The following GLRA2 variants were observed in gnomAD, a reference collection of about 807,000 sequenced individuals.
GLRA2 encodes the protein glycine receptor subunit alpha-2.
Under a neutral mutation model 31.6 loss-of-function variants are expected in GLRA2, and 11 were observed. The observed-to-expected ratio is 0.35, with a 90% CI of 0.22 to 0.58. GLRA2 has a LOEUF of 0.58. GLRA2 is among the 20% of genes least tolerant of loss of function. The pLI, the probability that GLRA2 is intolerant of heterozygous loss-of-function variation, is 0.84. For synonymous variants in GLRA2, 132 were observed against 134.0 expected (o/e 0.99, Z 0.10); for missense variants, 212 against 351.8 (o/e 0.60, Z 3.18).
At chrX:14,518,796 G>T in the GLRA2 span, among the ~76,000 whole-genome samples, 1 of 106,876 alleles carries the variant, frequency 9.4e-6, no homozygotes, top group Admixed American at 1.0e-4. Context: ...CGATCACGAG[G>T]TCAGGAGATC....
chrX:14,659,383 C>T (rs867737923), intron 7 of GLRA2, among the ~76,000 whole-genome samples: 59 of 112,150 alleles, frequency 5.3e-4, no homozygotes, highest in African/African-American at 1.8e-3. Flanking sequence ...ATGACATTTA[C>T]CATACTATAT....
the GLRA2 span, among the ~76,000 whole-genome samples, chrX:14,477,254 G>A: frequency 1.8e-5 from 2 of 111,810 alleles, no homozygotes; most frequent in South Asian, 3.7e-4. Flanking sequence ...AATTTCCCAA[G>A]GTTCTTTATT....
At chrX:14,525,144 C>T (rs938636194), upstream of GLRA2, among the ~76,000 whole-genome samples, 2 of 111,120 alleles carry the variant, frequency 1.8e-5, no homozygotes, top group African/African-American at 6.5e-5. Context: ...TTTTTTATAT[C>T]TATTTTTTAA....
At chrX:14,671,691 G>A (rs1490437920) in intron 7 of GLRA2, among the ~76,000 whole-genome samples, 2 of 112,327 alleles carry the variant, frequency 1.8e-5, no homozygotes, top group African/African-American at 6.5e-5. Context: ...CAGAGCTTGG[G>A]GTGAGTTGCT....
chrX:14,614,273 C>T (rs2090431908), intron 7 of GLRA2, among the ~76,000 whole-genome samples: 1 of 111,498 alleles, frequency 9.0e-6, no homozygotes. Context: ...TCTCTAATGG[C>T]AAGCCCCCAA....
At chrX:14,663,468 A>C (rs1266249285) in intron 7 of GLRA2, among the ~76,000 whole-genome samples, 1 of 110,316 alleles carries the variant, frequency 9.1e-6, no homozygotes, top group Non-Finnish European at 1.9e-5. Context: ...AAAAACTTCT[A>C]AATCATAAAG....
the GLRA2 span, among the ~76,000 whole-genome samples, chrX:14,469,857 A>G: frequency 2.7e-5 from 3 of 110,944 alleles, no homozygotes; most frequent in Admixed American, 2.9e-4. Context: ...ATAATTTAAA[A>G]AAAAACAAAG....
At chrX:14,724,518 C>T (rs766813108) in intron 8 of GLRA2, among the ~76,000 whole-genome samples, 9 of 105,184 alleles carry the variant, frequency 8.6e-5, no homozygotes, top group Non-Finnish European at 1.7e-4. Flanking sequence ...CCCAGCTACT[C>T]GGGAGGCTGA....
At chrX:14,509,327 C>T in the GLRA2 span, among the ~76,000 whole-genome samples, 2 of 112,762 alleles carry the variant, frequency 1.8e-5, no homozygotes, top group African/African-American at 6.4e-5. Flanking sequence ...GAGCTTCCTT[C>T]ACTTGAATAT....
intron 8 of GLRA2, among the ~76,000 whole-genome samples, chrX:14,709,044 C>CTGAT (rs2147229948): frequency 9.0e-6 from 1 of 111,723 alleles, no homozygotes; most frequent in African/African-American, 3.3e-5. Flanking sequence ...CTTTTTGCCT[C>CTGAT]TGATTATAAC....
At chrX:14,533,315 ACTTTT>A (rs1406309421) in intron 2 of GLRA2, among the ~76,000 whole-genome samples, 1 of 110,727 alleles carries the variant, frequency 9.0e-6, no homozygotes, top group African/African-American at 3.3e-5. Context: ...TTAATGGCAC[ACTTTT>A]CTTCAGTGTT....
intron 8 of GLRA2, among the ~76,000 whole-genome samples, chrX:14,705,664 A>T (rs942412441): frequency 1.4e-4 from 16 of 111,658 alleles, no homozygotes; most frequent in African/African-American, 5.2e-4. Context: ...AGTCAGAAAA[A>T]CCTTTCATTA....
intron 2 of GLRA2, among the ~76,000 whole-genome samples, chrX:14,552,755 T>A (rs186510915): frequency 1.9e-3 from 215 of 112,194 alleles, no homozygotes; most frequent in African/African-American, 6.7e-3. Flanking sequence ...GGTAGGAGAA[T>A]GAGGCCATTT....
chrX:14,729,755 A>G (rs1441416797), intron 8 of GLRA2, among the ~76,000 whole-genome samples: 10 of 111,351 alleles, frequency 9.0e-5, no homozygotes, highest in Admixed American at 5.7e-4. Context: ...GAACCACAAT[A>G]CTATAGGTTC....
At chrX:14,493,246 A>T in the GLRA2 span, among the ~76,000 whole-genome samples, 1 of 110,655 alleles carries the variant, frequency 9.0e-6, no homozygotes, top group Non-Finnish European at 1.9e-5. Flanking sequence ...GTTTTTTAAA[A>T]TTTTATTATT....
At chrX:14,622,159 CT>C (rs2147109251) in intron 7 of GLRA2, among the ~76,000 whole-genome samples, 1 of 112,267 alleles carries the variant, frequency 8.9e-6, no homozygotes, top group South Asian at 3.7e-4. Context: ...TAAATGTCTT[CT>C]TTTGAGAAGT....
chrX:14,581,333 A>G lies in GLRA2; in HGVS notation c.421A>G (p.Asn141Asp), dbSNP rs1339348418. Residue 141 changes from asparagine (N) to aspartate (D), a missense_variant, in exon 4 of 9, where the codon AAC becomes GAC. Physicochemically the swap from Asn to Asp is conservative, Grantham distance 23 (BLOSUM62 1). Transcript: ENST00000218075. Reference sequence around the variant, plus strand: ...GTTCTTTGCCAATGAGAAGGGTGCCAACTTCCACGATGTCACCACTGACAA... The same window carrying G: ...GTTCTTTGCCAATGAGAAGGGTGCCGACTTCCACGATGTCACCACTGACAA... ...DLFFANEKGANFHDVTTDNKL... is the reference protein window; with the variant it reads ...DLFFANEKGADFHDVTTDNKL... 5.8e-6 allele frequency: 7 copies of G among 1,206,468 alleles called. No individual in the cohort carries two copies. Among genetic ancestry groups the G allele is most frequent in the Non-Finnish European group, 7.9e-6 (7 of 890,684 alleles).
chrX:14,466,483 GAGGT>G, the GLRA2 span, among the ~76,000 whole-genome samples: 1 of 111,492 alleles, frequency 9.0e-6, no homozygotes, highest in Non-Finnish European at 1.9e-5. Context: ...ATTTAGCTTA[GAGGT>G]AGCAGTCTGA....
intron 8 of GLRA2, among the ~76,000 whole-genome samples, chrX:14,725,915 T>G (rs2091924019): frequency 8.9e-6 from 1 of 112,567 alleles, no homozygotes; most frequent in South Asian, 3.6e-4. Context: ...AAACCTTGAC[T>G]GGATGATTCA....
Sources: allele counts gnomAD v4.1 joint callset (sites outside exome capture counted in the v4.1 genomes callset), GRCh38; gene constraint gnomAD v4.1.1; transcripts MANE v1.5; gene names NCBI Gene and HGNC (gene_info 2026-07-23, HGNC 2026-07-21).